CLDN20: variants seen among roughly 807,000 people sequenced by gnomAD.
The protein encoded by CLDN20 is claudin-20.
For missense variants in CLDN20, 258 were observed against 267.9 expected (o/e 0.96, Z 0.26); for synonymous variants, 104 against 103.6 (o/e 1.00, Z -0.03).
At chr6:155,266,065 A>G (rs531480776) in intron 1 of CLDN20, among the ~76,000 whole-genome samples, 30 of 152,064 alleles carry the variant, frequency 2.0e-4, no homozygotes, top group African/African-American at 6.8e-4. Context: ...GGGCGGGTCT[A>G]CCTTCCCCAC....
chr6:155,266,846 CAAAAAAAA>C (rs1213939199), intron 1 of CLDN20, among the ~76,000 whole-genome samples: 2 of 62,840 alleles, frequency 3.2e-5, no homozygotes, highest in South Asian at 7.5e-4. Flanking sequence ...GACTCCGTCT[CAAAAAAAA>C]AAAAAAAAAA....
Position 155,276,287 on chromosome 6 carries a change from C to A in CLDN20, c.568C>A (p.Pro190Thr), listed in dbSNP as rs546881153. The A allele has an allele frequency of 1.2e-6, 2 of 1,613,998 alleles. No homozygotes were observed. The highest frequency in any genetic ancestry group is 1.1e-5 in the South Asian group (1 of 91,074). ...IFCTSCIKRNPEARLDPPTQQ... is the reference protein window; with the variant it reads ...IFCTSCIKRNTEARLDPPTQQ... ...CTGCACCTCCTGTATAAAAAGGAATCCAGAAGCTAGACTCGACCCACCCAC... is the reference window on the plus strand; with the variant it reads ...CTGCACCTCCTGTATAAAAAGGAATACAGAAGCTAGACTCGACCCACCCAC... The change falls in exon 2 of 2, where the codon CCA (proline) becomes ACA (threonine). Residue 190 changes from proline (P) to threonine (T), a missense_variant. By Grantham distance (38) the Pro-to-Thr change is conservative (BLOSUM62 -1). Transcript: ENST00000367165.
At chr6:155,264,747 A>C (rs556224374) in intron 1 of CLDN20, among the ~76,000 whole-genome samples, 1 of 152,312 alleles carries the variant, frequency 6.6e-6, no homozygotes, top group Non-Finnish European at 1.5e-5. Flanking sequence ...AATGACAGCA[A>C]ACTCAGATCA....
rs1179218092 is a variant in CLDN20 at position 155,275,636 on chromosome 6, A to G, written c.-84A>G. 2.2e-6 allele frequency: 3 copies of G among 1,342,038 alleles called. 1 individual carries two copies. The highest frequency in any genetic ancestry group is 2.8e-5 in the South Asian group (2 of 72,598). 83.1% of individuals were successfully genotyped at this position (1,342,038 alleles called of 1,614,324 possible). On this transcript the variant is annotated 5_prime_UTR_variant, in exon 2 of 2. Transcript: ENST00000367165. ...CTTAGGCTTTGTTATTTGGTTCTCT[A>G]CTGCACAGAAATAGATAGAATTCTG... is the stretch of plus-strand genomic sequence containing the variant.
At chr6:155,264,945 A>G (rs981515666) in intron 1 of CLDN20, among the ~76,000 whole-genome samples, 1 of 152,218 alleles carries the variant, frequency 6.6e-6, no homozygotes, top group South Asian at 2.1e-4. Flanking sequence ...AATCCTCAAG[A>G]AAGCACAAAT....
chr6:155,264,447 A>G (rs1784529838), intron 1 of CLDN20, among the ~76,000 whole-genome samples, 159 bp downstream of exon 1: 1 of 152,228 alleles, frequency 6.6e-6, no homozygotes, highest in Non-Finnish European at 1.5e-5. Context: ...AGCCAATTTA[A>G]GGAAAGAATT....
chr6:155,273,165 A>AT (rs1373716046), intron 1 of CLDN20, among the ~76,000 whole-genome samples: 1 of 152,184 alleles, frequency 6.6e-6, no homozygotes, highest in South Asian at 2.1e-4. Context: ...CATGTGCTTG[A>AT]TTTTTTTTCT....
rs1785180363 is a variant in CLDN20 at position 155,275,961 on chromosome 6, G to A, written c.242G>A (p.Arg81Lys). The change falls in exon 2 of 2, where the codon AGA becomes AAA. Residue 81 changes from arginine to lysine, a missense_variant. By Grantham distance (26) the Arg-to-Lys change is conservative. Transcript: ENST00000367165. ...LSLPIHVQAA[R>K]ATMVLACVLS... ...CTCCCCATCCACGTGCAGGCTGCGA[G>A]AGCCACCATGGTCCTGGCGTGTGTT... The A allele has an allele frequency of 2.5e-6, 4 of 1,614,024 alleles. No individual in the cohort carries two copies. In the Admixed American group the frequency reaches 6.7e-5, roughly 27 times the overall value.
At chr6:155,271,681 C>T (rs1250064919) in intron 1 of CLDN20, among the ~76,000 whole-genome samples, 1 of 152,196 alleles carries the variant, frequency 6.6e-6, no homozygotes, top group Admixed American at 6.5e-5. Context: ...CAAGGCACGA[C>T]ATTGTTAAAA....
intron 1 of CLDN20, among the ~76,000 whole-genome samples, chr6:155,266,355 T>C (rs1784632767): frequency 6.6e-6 from 1 of 152,158 alleles, no homozygotes; most frequent in African/African-American, 2.4e-5. Flanking sequence ...GAAATGAGAA[T>C]CACAGGTTTG....
At chr6:155,275,584 C>T (rs974504419) in intron 1 of CLDN20, 32 bp from the exon 2 acceptor site, 51 of 820,062 alleles carry the variant, frequency 6.2e-5, no homozygotes, top group Non-Finnish European at 8.0e-5. Flanking sequence ...TACTTTCTTT[C>T]GCTCAATCCT....
chr6:155,267,830 A>G (rs897251943), intron 1 of CLDN20, among the ~76,000 whole-genome samples: 3 of 152,266 alleles, frequency 2.0e-5, no homozygotes, highest in Non-Finnish European at 4.4e-5. Context: ...ACAGAAAAAC[A>G]GAATGAGCTG....
At chr6:155,275,523 T>C in intron 1 of CLDN20, 93 bp from the exon 2 acceptor site, 1 of 566,702 alleles carries the variant, frequency 1.8e-6, no homozygotes, top group South Asian at 2.3e-5. Context: ...AGAAGGGGGA[T>C]ACTCAGATGT....
intron 1 of CLDN20, among the ~76,000 whole-genome samples, chr6:155,267,781 T>A (rs115666948): frequency 0.019 from 2,907 of 152,212 alleles, 73 homozygotes; most frequent in African/African-American, 0.049. Context: ...ATTTGTATAA[T>A]CAACCTTCAC....
intron 1 of CLDN20, among the ~76,000 whole-genome samples, chr6:155,269,324 CTT>C (rs60162262): frequency 5.5e-5 from 7 of 127,250 alleles, no homozygotes; most frequent in Non-Finnish European, 6.4e-5. Flanking sequence ...CTTTTCTTTT[CTT>C]TTTTTTTTTT....
chr6:155,267,812 T>C (rs968113690), intron 1 of CLDN20, among the ~76,000 whole-genome samples: 1 of 152,190 alleles, frequency 6.6e-6, no homozygotes, highest in African/African-American at 2.4e-5. Context: ...AAAGTTCAGT[T>C]TGAAGGAACA....
At chr6:155,266,733 G>A (rs1258390524) in intron 1 of CLDN20, among the ~76,000 whole-genome samples, 2 of 151,616 alleles carry the variant, frequency 1.3e-5, no homozygotes, top group Middle Eastern at 6.8e-3. Flanking sequence ...TGTAGTCCCC[G>A]CTACTTGGGA....
At chr6:155,265,737 T>TAA (rs1562389429) in intron 1 of CLDN20, among the ~76,000 whole-genome samples, 164 of 140,182 alleles carry the variant, frequency 1.2e-3, no homozygotes, top group African/African-American at 4.4e-3. Flanking sequence ...TAAATATATA[T>TAA]TATATATAAT....
intron 1 of CLDN20, among the ~76,000 whole-genome samples, chr6:155,270,483 T>C (rs1481900840): frequency 6.6e-6 from 1 of 152,202 alleles, no homozygotes; most frequent in Non-Finnish European, 1.5e-5. Context: ...TCTGCCTTCA[T>C]TAAAGGTCTA....
Sources: allele counts gnomAD v4.1 joint callset (sites outside exome capture counted in the v4.1 genomes callset), GRCh38; gene constraint gnomAD v4.1.1; transcripts MANE v1.5; gene names NCBI Gene and HGNC (gene_info 2026-07-23, HGNC 2026-07-21).